The following PTPRD variants were observed in gnomAD, a reference collection of about 807,000 sequenced individuals.
PTPRD encodes the protein receptor-type tyrosine-protein phosphatase delta.
A neutral mutation model predicts 214.5 loss-of-function variants in PTPRD; 34 were observed. That is an observed-to-expected ratio of 0.16 (90% CI 0.12 to 0.21). The LOEUF (loss-of-function observed/expected upper bound fraction) is 0.21, where lower values mean the gene tolerates loss of function less well. PTPRD is among the 10% of genes least tolerant of loss of function. The probability of loss-of-function intolerance (pLI) is 1.00; values close to 1 mark genes in which losing one functional copy is unlikely to be tolerated. For missense variants in PTPRD, 2,545 were observed against 2,398.7 expected, an observed-to-expected ratio of 1.06 and a Z score of -1.27; for synonymous variants, 1,128 against 845.7, an observed-to-expected ratio of 1.33 and a Z score of -5.79.
chr9:9,606,965 TAAA>T (rs754610072), intron 7 of PTPRD, among the ~76,000 whole-genome samples: 66 of 27,438 alleles, frequency 2.4e-3, no homozygotes, highest in African/African-American at 8.3e-3. Flanking sequence ...TCAGCACTGC[TAAA>T]AAAAAAAAAA....
At chr9:8,714,980 C>A (rs1306255044) in intron 12 of PTPRD, among the ~76,000 whole-genome samples, 1 of 151,132 alleles carries the variant, frequency 6.6e-6, no homozygotes, top group African/African-American at 2.4e-5. Flanking sequence ...ACTGTTGTAT[C>A]TCAAAAGCCT....
chr9:8,948,437 T>TTATA (rs1343672112), intron 11 of PTPRD, among the ~76,000 whole-genome samples: 9 of 20,108 alleles, frequency 4.5e-4, no homozygotes, highest in Middle Eastern at 0.031. Context: ...ATATATATAT[T>TTATA]TACATATATA....
chr9:9,596,215 G>C (rs1452819899), intron 7 of PTPRD, among the ~76,000 whole-genome samples: 1 of 151,718 alleles, frequency 6.6e-6, no homozygotes, highest in Non-Finnish European at 1.5e-5. Flanking sequence ...AACTTAAATA[G>C]GTTATATTAA....
intron 9 of PTPRD, among the ~76,000 whole-genome samples, chr9:9,339,189 G>A (rs984860558): frequency 2.6e-5 from 4 of 151,998 alleles, no homozygotes; most frequent in African/African-American, 9.7e-5. Flanking sequence ...TAAAAAGCTA[G>A]GTGAGAGGCT....
intron 9 of PTPRD, among the ~76,000 whole-genome samples, chr9:9,326,975 T>G (rs775491799): frequency 2.0e-5 from 3 of 152,134 alleles, no homozygotes; most frequent in Non-Finnish European, 4.4e-5. Context: ...TTGGGAGCAG[T>G]GTATGGCTTT....
chr9:10,592,414 G>C (rs2075682022), intron 2 of PTPRD, among the ~76,000 whole-genome samples: 1 of 151,984 alleles, frequency 6.6e-6, no homozygotes, highest in Non-Finnish European at 1.5e-5. Context: ...GTGAAGAGGG[G>C]AAAAAATTGT....
chr9:10,525,419 C>T (rs73396228), intron 2 of PTPRD, among the ~76,000 whole-genome samples: 14,755 of 151,756 alleles, frequency 0.097, 905 homozygotes, highest in African/African-American at 0.17. Flanking sequence ...ACCAAGCCAC[C>T]CAATCATTAT....
chr9:10,088,137 G>T (rs143630493), intron 3 of PTPRD, among the ~76,000 whole-genome samples: 1 of 151,646 alleles, frequency 6.6e-6, no homozygotes, highest in East Asian at 1.9e-4. Flanking sequence ...AACATTATTA[G>T]CAAACTTGCT....
At chr9:9,688,855 G>T (rs1595273629) in intron 7 of PTPRD, among the ~76,000 whole-genome samples, 1 of 151,802 alleles carries the variant, frequency 6.6e-6, no homozygotes, top group South Asian at 2.1e-4. Context: ...ACAAAGCTAA[G>T]GGGGTACTTG....
At chr9:10,585,138 G>T (rs72702856) in intron 2 of PTPRD, among the ~76,000 whole-genome samples, 25,110 of 151,964 alleles carry the variant, frequency 0.17, 2,516 homozygotes, top group South Asian at 0.25. Context: ...ATAGTTTCCC[G>T]TCAGTGGGGA....
chr9:9,960,731 C>A (rs1345097918), intron 4 of PTPRD, among the ~76,000 whole-genome samples: 1 of 152,120 alleles, frequency 6.6e-6, no homozygotes, highest in African/African-American at 2.4e-5. Context: ...AAGTCAGAAA[C>A]TGTCACAACC....
At chr9:10,178,081 T>C (rs1020194305) in intron 3 of PTPRD, among the ~76,000 whole-genome samples, 1 of 151,892 alleles carries the variant, frequency 6.6e-6, no homozygotes, top group East Asian at 1.9e-4. Context: ...ATTTACCCTC[T>C]AGACTGCATT....
intron 11 of PTPRD, among the ~76,000 whole-genome samples, chr9:8,956,133 A>C (rs987982869): frequency 6.6e-6 from 1 of 151,930 alleles, no homozygotes; most frequent in East Asian, 1.9e-4. Context: ...TCAGAAACAT[A>C]AGGTGCTGAC....
chr9:8,522,084 T>C (rs1008367076), intron 19 of PTPRD, among the ~76,000 whole-genome samples: 9 of 152,158 alleles, frequency 5.9e-5, no homozygotes, highest in African/African-American at 2.2e-4. Context: ...TGTTTTCAGA[T>C]TCATAGTGGA....
At chr9:9,967,987 C>G (rs567869159) in intron 4 of PTPRD, among the ~76,000 whole-genome samples, 1 of 152,054 alleles carries the variant, frequency 6.6e-6, no homozygotes, top group Non-Finnish European at 1.5e-5. Context: ...ATTAGAGAAG[C>G]TTTTGTATAA....
chr9:8,884,399 G>A (rs1010954382), intron 11 of PTPRD, among the ~76,000 whole-genome samples: 3 of 152,224 alleles, frequency 2.0e-5, no homozygotes, highest in Non-Finnish European at 4.4e-5. Context: ...GAAGTGGAAG[G>A]CACAGGAAAA....
At chr9:10,224,432 A>G (rs77297096) in intron 3 of PTPRD, among the ~76,000 whole-genome samples, 1 of 151,970 alleles carries the variant, frequency 6.6e-6, no homozygotes, top group Non-Finnish European at 1.5e-5. Context: ...ATATGCATAC[A>G]TGTGCCATCT....
At chr9:8,568,206 C>T (rs1329682241) in intron 14 of PTPRD, among the ~76,000 whole-genome samples, 1 of 152,112 alleles carries the variant, frequency 6.6e-6, no homozygotes, top group Non-Finnish European at 1.5e-5. Flanking sequence ...TGCAGAGATG[C>T]TAAGTTACAT....
intron 36 of PTPRD, among the ~76,000 whole-genome samples, chr9:8,391,034 CAAGCA>C (rs2089353677): frequency 6.6e-6 from 1 of 151,812 alleles, no homozygotes; most frequent in Non-Finnish European, 1.5e-5. Flanking sequence ...TAGGGGAGAA[CAAGCA>C]CTTTATAGGA....
Sources: allele counts gnomAD v4.1 joint callset (sites outside exome capture counted in the v4.1 genomes callset), GRCh38; gene constraint gnomAD v4.1.1; transcripts MANE v1.5; gene names NCBI Gene and HGNC (gene_info 2026-07-23, HGNC 2026-07-21).